RAPGEF5: variants seen among roughly 807,000 people sequenced by gnomAD.
RAPGEF5 encodes the protein Rap guanine nucleotide exchange factor 5.
RAPGEF5 carries 65 observed loss-of-function variants against 125.2 expected under a neutral mutation model. The observed-to-expected ratio is 0.52, with a 90% CI of 0.43 to 0.64. The LOEUF is 0.64. Among genes scored for constraint, RAPGEF5 ranks in the 30% least tolerant of loss-of-function variants. The pLI, the probability that RAPGEF5 is intolerant of heterozygous loss-of-function variation, is 0.00. For missense variants in RAPGEF5, 958 were observed against 1,048.1 expected, an observed-to-expected ratio of 0.91 and a Z score of 1.19; for synonymous variants, 391 against 385.9, an observed-to-expected ratio of 1.01 and a Z score of -0.16.
intron 1 of RAPGEF5, among the ~76,000 whole-genome samples, chr7:22,348,344 T>C (rs1056706547): frequency 8.5e-5 from 13 of 152,256 alleles, no homozygotes; most frequent in East Asian, 1.9e-4. Context: ...AATGATTTTA[T>C]TCTATTGTAA....
chr7:22,327,816 T>C (rs1389426738), intron 1 of RAPGEF5, among the ~76,000 whole-genome samples: 3 of 152,238 alleles, frequency 2.0e-5, no homozygotes, highest in Non-Finnish European at 4.4e-5. Context: ...AGAGCTTATT[T>C]AAAAGATTGC....
chr7:22,323,401 C>G (rs371997258), intron 1 of RAPGEF5, among the ~76,000 whole-genome samples: 2 of 152,172 alleles, frequency 1.3e-5, no homozygotes, highest in Non-Finnish European at 2.9e-5. Flanking sequence ...AAAATATACA[C>G]AACAGATACA....
chr7:22,208,066 TTTTCACATGCTTCTGTCTCA>T (rs1205677160), intron 9 of RAPGEF5, among the ~76,000 whole-genome samples: 8 of 152,258 alleles, frequency 5.3e-5, no homozygotes, highest in South Asian at 2.1e-4. Flanking sequence ...CCTGTCTGGG[TTTTCACATGCTTCTGTCTCA>T]TTTCACATGC....
intron 9 of RAPGEF5, among the ~76,000 whole-genome samples, chr7:22,212,444 G>A (rs1214801846): frequency 2.0e-5 from 3 of 152,278 alleles, no homozygotes; most frequent in Non-Finnish European, 4.4e-5. Context: ...TGACCACACA[G>A]GTAAACTGAA....
Position 22,254,304 on chromosome 7 carries a change from G to T in RAPGEF5, c.796+12660C>A, listed in dbSNP as rs1786697342. ...GGAAAGCTGGGACTTTAGACAAAGG[G>T]TAATCAAAAGAAAAAAAAAAAAGGC... On this transcript the variant is annotated intron_variant, in intron 7 of 25. Transcript: ENST00000665637. 1.3e-5 allele frequency among the ~76,000 whole-genome samples: 2 copies of T among 150,476 alleles called. 1 individual carries two copies. The highest frequency in any genetic ancestry group is 4.3e-4 in the South Asian group (2 of 4,700).
At chr7:22,326,097 G>A (rs1364069555) in intron 1 of RAPGEF5, among the ~76,000 whole-genome samples, 1 of 152,154 alleles carries the variant, frequency 6.6e-6, no homozygotes, top group Non-Finnish European at 1.5e-5. Flanking sequence ...TGTCTTAAAT[G>A]TGTCTTTTCA....
chr7:22,162,821 C>CA (rs1467297261), intron 12 of RAPGEF5: 1 of 487,194 alleles, frequency 2.1e-6, no homozygotes, highest in Non-Finnish European at 3.9e-6. Flanking sequence ...CAGTTAATGC[C>CA]AGCCCAAGGA....
intron 7 of RAPGEF5, among the ~76,000 whole-genome samples, chr7:22,254,083 A>G (rs1786689163): frequency 6.6e-6 from 1 of 152,184 alleles, no homozygotes; most frequent in South Asian, 2.1e-4. Flanking sequence ...TTGTCTTTGG[A>G]ATATTCTGCT....
chr7:22,336,403 G>C (rs560015399), intron 1 of RAPGEF5, among the ~76,000 whole-genome samples: 33 of 152,198 alleles, frequency 2.2e-4, no homozygotes, highest in Middle Eastern at 3.4e-3. Flanking sequence ...TATGAAGAAG[G>C]GTCCTTTATT....
chr7:22,193,923 G>C lies in RAPGEF5; in HGVS notation c.1107C>G (p.Ser369Arg). 1 of 1,613,632 alleles carries C rather than the reference G, an allele frequency of 6.2e-7. No homozygotes were observed. The highest frequency in any genetic ancestry group is 8.5e-7 in the Non-Finnish European group (1 of 1,179,782). Residue 369 changes from serine to arginine, a missense_variant, in exon 10 of 26, where the codon AGC (serine) becomes AGG (arginine). Ser to Arg is a moderately radical substitution (Grantham distance 110). Transcript: ENST00000665637. ...TGCAGGGAAACTCTCACCTCCAATGGCTCTCCGCACTCCCAGCTGTGGGGG... is the reference window on the plus strand; with the variant it reads ...TGCAGGGAAACTCTCACCTCCAATGCCTCTCCGCACTCCCAGCTGTGGGGG... ...GPAPTAGSAE[S>R]HWRYVVVSGT...
At chr7:22,168,799 T>A (rs1262073959) in intron 11 of RAPGEF5, among the ~76,000 whole-genome samples, 1 of 152,228 alleles carries the variant, frequency 6.6e-6, no homozygotes, top group Non-Finnish European at 1.5e-5. Flanking sequence ...CATAGGTAAG[T>A]GGTTGCAAAT....
intron 3 of RAPGEF5, 52 bp from the exon 4 acceptor site, chr7:22,310,142 C>CA (rs55757213): frequency 1.3e-3 from 1,758 of 1,380,172 alleles, no homozygotes; most frequent in South Asian, 1.9e-3. Context: ...ATCCGTTTGC[C>CA]AAAAAAACAA....
chr7:22,287,152 G>A (rs1782817537), intron 6 of RAPGEF5, among the ~76,000 whole-genome samples: 1 of 152,158 alleles, frequency 6.6e-6, no homozygotes, highest in Non-Finnish European at 1.5e-5. Context: ...TTCTTACAGA[G>A]TTTCACTGTT....
rs1785590695 is a variant in RAPGEF5 at position 22,214,656 on chromosome 7, C to T, written c.996+5210G>A. Among the ~76,000 whole-genome samples the T allele has an allele frequency of 3.9e-5, 6 of 152,180 alleles. No individual in the cohort carries two copies. The South Asian group carries it at 1.0e-3, about 26-fold the overall frequency. On this transcript the variant is annotated intron_variant, in intron 9 of 25. Coordinates refer to ENST00000665637, the MANE Select transcript of RAPGEF5 (RefSeq NM_012294.5). ...TTTTCAAATCTAAGTTACGACTGGG[C>T]AAGCACCTTTTCTTTTTCTGCATTC...
intron 11 of RAPGEF5, among the ~76,000 whole-genome samples, chr7:22,173,073 C>A (rs1784398071): frequency 6.6e-6 from 1 of 152,160 alleles, no homozygotes; most frequent in Non-Finnish European, 1.5e-5. Context: ...TTAAGGCACT[C>A]TAAAATATAT....
At chr7:22,144,818 G>A (rs1295295431) in intron 20 of RAPGEF5, among the ~76,000 whole-genome samples, 2 of 152,336 alleles carry the variant, frequency 1.3e-5, no homozygotes, top group East Asian at 3.9e-4. Context: ...CTGAGGCAGA[G>A]AGCACAGTGC....
intron 1 of RAPGEF5, among the ~76,000 whole-genome samples, chr7:22,334,154 G>C (rs140774637): frequency 6.6e-6 from 1 of 152,178 alleles, no homozygotes. Flanking sequence ...GCATGGGCCC[G>C]AGCCTGACCC....
At chr7:22,128,494 A>G (rs1177069648) in intron 24 of RAPGEF5, among the ~76,000 whole-genome samples, 1 of 152,192 alleles carries the variant, frequency 6.6e-6, no homozygotes, top group Admixed American at 6.5e-5. Context: ...CTTAGGTTCT[A>G]TTGGTTCATT....
chr7:22,137,904 T>G (rs1783127442), intron 21 of RAPGEF5, among the ~76,000 whole-genome samples: 1 of 152,110 alleles, frequency 6.6e-6, no homozygotes, highest in Admixed American at 6.6e-5. Flanking sequence ...CTACAATAAT[T>G]AGACTTTTAC....
Sources: gnomAD v4.1 joint callset for allele counts (sites outside exome capture counted in the v4.1 genomes callset) on GRCh38, gnomAD v4.1.1 for gene constraint, MANE v1.5 for transcripts, NCBI Gene and HGNC (gene_info 2026-07-23, HGNC 2026-07-21) for gene names.